AKAP19: variants seen among roughly 807,000 people sequenced by gnomAD.
AKAP19 encodes A-kinase anchoring protein 19.
At chr2:190,074,670 A>G in the AKAP19 span, among the ~76,000 whole-genome samples, 1 of 152,034 alleles carries the variant, frequency 6.6e-6, no homozygotes, top group Non-Finnish European at 1.5e-5. Flanking sequence ...AAAAGAGAGA[A>G]AAGGAGTGCA....
At chr2:190,170,895 A>G in the AKAP19 span, among the ~76,000 whole-genome samples, 1 of 152,252 alleles carries the variant, frequency 6.6e-6, no homozygotes, top group Admixed American at 6.5e-5. Flanking sequence ...TTCCTTGTAC[A>G]TAAAAACTGG....
chr2:190,129,387 TAGTC>T, the AKAP19 span, among the ~76,000 whole-genome samples: 2 of 152,200 alleles, frequency 1.3e-5, no homozygotes, highest in South Asian at 2.1e-4. Context: ...AAATATTTGA[TAGTC>T]AGAATCACTC....
chr2:189,957,648 T>C, the AKAP19 span, among the ~76,000 whole-genome samples: 1 of 152,222 alleles, frequency 6.6e-6, no homozygotes, highest in Non-Finnish European at 1.5e-5. Context: ...CCAATTTCTA[T>C]GATATAGCTT....
At chr2:190,039,943 T>C in the AKAP19 span, among the ~76,000 whole-genome samples, 3 of 152,220 alleles carry the variant, frequency 2.0e-5, no homozygotes, top group African/African-American at 7.2e-5. Flanking sequence ...TTTAGGTTAA[T>C]TCTGTGTTTT....
the AKAP19 span, chr2:190,057,735 AT>A: frequency 1.5e-6 from 2 of 1,319,668 alleles, no homozygotes; most frequent in Admixed American, 1.8e-5. Context: ...TAAACTAATA[AT>A]TTTGCTCATA....
the AKAP19 span, among the ~76,000 whole-genome samples, chr2:189,994,799 A>T: frequency 6.6e-6 from 1 of 151,992 alleles, no homozygotes; most frequent in African/African-American, 2.4e-5. Flanking sequence ...GGGTTTTGCT[A>T]TGTTGGCCAG....
chr2:190,026,113 ATAT>A, the AKAP19 span, among the ~76,000 whole-genome samples: 1 of 152,120 alleles, frequency 6.6e-6, no homozygotes, highest in African/African-American at 2.4e-5. Context: ...GCCAACTTAG[ATAT>A]TATTTTTTCT....
the AKAP19 span, among the ~76,000 whole-genome samples, chr2:189,905,800 G>A: frequency 6.6e-6 from 1 of 151,952 alleles, no homozygotes; most frequent in Non-Finnish European, 1.5e-5. Flanking sequence ...AGTGCAATTT[G>A]AAATTTTCTT....
chr2:190,009,808 A>G, the AKAP19 span, among the ~76,000 whole-genome samples: 1 of 152,162 alleles, frequency 6.6e-6, no homozygotes, highest in East Asian at 1.9e-4. Flanking sequence ...CTCTTAGGAT[A>G]CACCAACATT....
the AKAP19 span, among the ~76,000 whole-genome samples, chr2:189,936,192 T>A: frequency 1.3e-5 from 2 of 152,014 alleles, no homozygotes; most frequent in African/African-American, 2.4e-5. Flanking sequence ...TTTTATGGGT[T>A]TGTTTTAGAT....
At chr2:189,957,952 C>T in the AKAP19 span, among the ~76,000 whole-genome samples, 1 of 152,196 alleles carries the variant, frequency 6.6e-6, no homozygotes, top group South Asian at 2.1e-4. Flanking sequence ...CACCACCACA[C>T]CTGGCTAATT....
chr2:189,924,197 A>C, the AKAP19 span: 1 of 1,491,018 alleles, frequency 6.7e-7, no homozygotes, highest in Non-Finnish European at 9.2e-7. Context: ...GACAGCGCCA[A>C]TGGCGAGGAT....
chr2:190,012,482 CTTTA>C, the AKAP19 span, among the ~76,000 whole-genome samples: 1 of 152,046 alleles, frequency 6.6e-6, no homozygotes, highest in Non-Finnish European at 1.5e-5. Context: ...TATCCTACAA[CTTTA>C]TTTGTTTATT....
At chr2:190,155,332 T>C in the AKAP19 span, among the ~76,000 whole-genome samples, 2 of 152,074 alleles carry the variant, frequency 1.3e-5, no homozygotes, top group African/African-American at 4.8e-5. Context: ...GCTGAATGGC[T>C]ACAGAATCTG....
At chr2:189,954,706 G>C in the AKAP19 span, among the ~76,000 whole-genome samples, 4 of 152,078 alleles carry the variant, frequency 2.6e-5, no homozygotes, top group African/African-American at 9.7e-5. Context: ...CCCAACATTT[G>C]TTGGCATATG....
At chr2:189,881,793 T>G in the AKAP19 span, among the ~76,000 whole-genome samples, 75 of 152,258 alleles carry the variant, frequency 4.9e-4, no homozygotes, top group Middle Eastern at 3.4e-3. Context: ...TAATAAAAAT[T>G]GAAAAACATT....
chr2:189,950,269 C>T, the AKAP19 span, among the ~76,000 whole-genome samples: 1 of 151,084 alleles, frequency 6.6e-6, no homozygotes, highest in Non-Finnish European at 1.5e-5. Flanking sequence ...CTCAGATGAT[C>T]CGCCTGCCTC....
At chr2:190,128,611 C>G in the AKAP19 span, among the ~76,000 whole-genome samples, 1 of 152,190 alleles carries the variant, frequency 6.6e-6, no homozygotes, top group Non-Finnish European at 1.5e-5. Context: ...TTATGATGTA[C>G]GTCTTCAATG....
the AKAP19 span, among the ~76,000 whole-genome samples, chr2:190,135,678 T>A: frequency 6.6e-6 from 1 of 152,228 alleles, no homozygotes; most frequent in Non-Finnish European, 1.5e-5. Flanking sequence ...TGTGCTCCAG[T>A]TTCCTCATTT....
Sources: allele counts gnomAD v4.1 joint callset (sites outside exome capture counted in the v4.1 genomes callset), GRCh38; gene constraint gnomAD v4.1.1; transcripts MANE v1.5; gene names NCBI Gene and HGNC (gene_info 2026-07-23, HGNC 2026-07-21).